The following DMD variants were observed in gnomAD, a reference collection of about 807,000 sequenced individuals.
DMD encodes dystrophin.
DMD carries 63 observed loss-of-function variants against 330.1 expected under a neutral mutation model. The ratio of observed to expected loss-of-function variants is 0.19; its 90% CI spans 0.16 to 0.24. The LOEUF (loss-of-function observed/expected upper bound fraction) is 0.24. DMD is among the 10% of genes least tolerant of loss of function. The probability of loss-of-function intolerance (pLI) is 1.00; values close to 1 mark genes in which losing one functional copy is unlikely to be tolerated. For synonymous variants in DMD, 1,223 were observed against 959.8 expected, an observed-to-expected ratio of 1.27 and a Z score of -5.07; for missense variants, 3,344 against 2,684.1, an observed-to-expected ratio of 1.25 and a Z score of -5.43.
chrX:32,892,396 GTT>G (rs201649909), intron 2 of DMD, among the ~76,000 whole-genome samples: 1 of 111,479 alleles, frequency 9.0e-6, no homozygotes, highest in Non-Finnish European at 1.9e-5. Flanking sequence ...TTCGTTTTTT[GTT>G]TTTTGTTTCT....
intron 41 of DMD, among the ~76,000 whole-genome samples, chrX:32,335,992 GTGTATATATAACGTTATATATAACGT>G (rs2097711248): frequency 4.3e-4 from 12 of 27,675 alleles, no homozygotes; most frequent in East Asian, 2.9e-3. Flanking sequence ...TATATATAAC[GTGTATATATAACGTTATATATAACGT>G]GTATATATAA....
rs962807751 is a variant in DMD, at chrX:33,035,274, A to G, written c.32-15074T>C. ...CTGTCACCATTGTACCATTCTTTTT[A>G]TGGATATACACACAGTAATTGGCAC... On this transcript the variant is annotated intron_variant, in intron 1 of 78. Transcript: ENST00000357033. Among the ~76,000 whole-genome samples the G allele has an allele frequency of 2.7e-5, 3 of 111,274 alleles. No homozygotes were observed. In the Admixed American group the frequency reaches 2.9e-4, roughly 11 times the overall value.
At chrX:32,075,108 CAT>C (rs1227209616) in intron 44 of DMD, among the ~76,000 whole-genome samples, 1 of 111,897 alleles carries the variant, frequency 8.9e-6, no homozygotes, top group East Asian at 2.8e-4. Context: ...ATATGAGAAA[CAT>C]AGTTCCAGAG....
rs149335796 is a variant in DMD at position 31,676,532 on chromosome X, T to C, written c.7872+2843A>G. 2.0e-3 allele frequency among the ~76,000 whole-genome samples: 221 copies of C among 112,375 alleles called. 5 individuals are homozygous for C. The East Asian group carries it at 0.048, about 24-fold the overall frequency. The stretch of plus-strand genomic sequence containing the variant: ...GGTTTATCAGTAATGTAATATAATC[T>C]TATTTGTCAATTAATAATTACATGA... On this transcript the variant is annotated intron_variant, in intron 53 of 78. Coordinates refer to ENST00000357033, the MANE Select transcript of DMD (RefSeq NM_004006.3).
intron 1 of DMD, among the ~76,000 whole-genome samples, chrX:33,100,894 C>G (rs2095231224): frequency 9.0e-6 from 1 of 111,074 alleles, no homozygotes; most frequent in South Asian, 3.8e-4. Context: ...AAAATCTCAT[C>G]AGCTCCTAGG....
intron 59 of DMD, among the ~76,000 whole-genome samples, chrX:31,452,433 A>G (rs923027217): frequency 1.8e-5 from 2 of 108,996 alleles, no homozygotes; most frequent in Admixed American, 2.0e-4. Context: ...AAACAGAAAA[A>G]TTAGCCGGGC....
intron 2 of DMD, among the ~76,000 whole-genome samples, chrX:32,997,275 C>G (rs1285312335): frequency 9.4e-6 from 1 of 106,654 alleles, no homozygotes; most frequent in Non-Finnish European, 1.9e-5. Flanking sequence ...GATGGAGTCT[C>G]GCCCTGTGCA....
intron 74 of DMD, among the ~76,000 whole-genome samples, chrX:31,157,356 AG>A (rs765398996): frequency 4.5e-5 from 5 of 112,295 alleles, no homozygotes; most frequent in Non-Finnish European, 9.4e-5. Flanking sequence ...GTTCAACACA[AG>A]AAGAATTCAT....
At chrX:32,159,312 A>G (rs1042884020) in intron 44 of DMD, among the ~76,000 whole-genome samples, 2 of 112,232 alleles carry the variant, frequency 1.8e-5, no homozygotes, top group Non-Finnish European at 3.8e-5. Flanking sequence ...AATCAAACGT[A>G]TGTTACAAGG....
At chrX:32,844,237 C>T (rs776294280) in intron 4 of DMD, among the ~76,000 whole-genome samples, 7 of 109,430 alleles carry the variant, frequency 6.4e-5, no homozygotes, top group Non-Finnish European at 1.3e-4. Flanking sequence ...GAAACCCTGT[C>T]TCTACTAAAA....
chrX:31,322,668 T>C (rs750685015), intron 62 of DMD, among the ~76,000 whole-genome samples: 1 of 112,019 alleles, frequency 8.9e-6, no homozygotes, highest in South Asian at 3.7e-4. Context: ...AGGACTGCTG[T>C]TATTGCTTTA....
Position 32,380,502 on chromosome X carries a change from G to A in DMD, c.4845+8C>T, listed in dbSNP as rs886043459. On this transcript the variant is annotated splice_region_variant and intron_variant, in intron 34 of 78. Transcript: ENST00000357033. ...GTTCAAAATAACCTTCAGTGATATA[G>A]GTTTTACCTTTCCCCAGGCAACTTC... 1 of 1,207,663 alleles carries A rather than the reference G, an allele frequency of 8.3e-7. No individual in the cohort carries two copies. The highest frequency in any genetic ancestry group is 1.8e-5 in the South Asian group (1 of 56,850).
intron 3 of DMD, among the ~76,000 whole-genome samples, chrX:32,846,097 T>G (rs1004864384): frequency 8.9e-6 from 1 of 111,795 alleles, no homozygotes; most frequent in Non-Finnish European, 1.9e-5. Context: ...GATTGGTGCT[T>G]GTCACATAGT....
chrX:32,416,359 A>ATT (rs2098166016), intron 29 of DMD, among the ~76,000 whole-genome samples: 1 of 111,949 alleles, frequency 8.9e-6, no homozygotes, highest in African/African-American at 3.2e-5. Flanking sequence ...TCATCTCGTA[A>ATT]TAAGACACTT....
intron 7 of DMD, among the ~76,000 whole-genome samples, chrX:32,803,205 T>C (rs1281636742): frequency 8.9e-6 from 1 of 111,734 alleles, no homozygotes; most frequent in Non-Finnish European, 1.9e-5. Context: ...GAAGAGTGTA[T>C]ATGTACAGGA....
At chrX:33,143,509 C>G (rs1027070964) in intron 1 of DMD, among the ~76,000 whole-genome samples, 1 of 111,064 alleles carries the variant, frequency 9.0e-6, no homozygotes, top group Non-Finnish European at 1.9e-5. Context: ...ATATTATGTT[C>G]CTGTAGTTAC....
intron 44 of DMD, among the ~76,000 whole-genome samples, chrX:32,020,562 AC>A (rs778253866): frequency 8.9e-6 from 1 of 111,830 alleles, no homozygotes; most frequent in East Asian, 2.8e-4. Context: ...AAGAACAGCT[AC>A]AAGGGATGCA....
intron 60 of DMD, among the ~76,000 whole-genome samples, chrX:31,422,000 CACATATATATATATATAA>C (rs1396934173): frequency 8.6e-4 from 69 of 80,063 alleles, no homozygotes; most frequent in African/African-American, 4.7e-3. Context: ...TATATACACA[CACATATATATATATATAA>C]ACACACACAC....
chrX:32,398,377 T>A (rs1236560480), intron 30 of DMD, among the ~76,000 whole-genome samples: 3 of 109,493 alleles, frequency 2.7e-5, no homozygotes, highest in Non-Finnish European at 5.7e-5. Context: ...GGAAACAGTC[T>A]ATTTCAGTGT....
Sources: allele counts gnomAD v4.1 joint callset (sites outside exome capture counted in the v4.1 genomes callset), GRCh38; gene constraint gnomAD v4.1.1; transcripts MANE v1.5; gene names NCBI Gene and HGNC (gene_info 2026-07-23, HGNC 2026-07-21).